The following P4HA1 variants were observed in gnomAD, a reference collection of about 807,000 sequenced individuals.
P4HA1 encodes prolyl 4-hydroxylase subunit alpha 1.
A neutral mutation model predicts 72.8 loss-of-function variants in P4HA1; 24 were observed. The observed-to-expected ratio is 0.33, with a 90% confidence interval of 0.24 to 0.46. The LOEUF is 0.46. Ranked by LOEUF, P4HA1 falls within the 20% of genes least tolerant of loss-of-function variation. P4HA1 has a pLI of 1.00. For missense variants in P4HA1, 446 were observed against 640.6 expected (o/e 0.70, Z 3.28); for synonymous variants, 201 against 218.8 (o/e 0.92, Z 0.72).
chr10:73,022,866 G>A (rs148746844), intron 10 of P4HA1, among the ~76,000 whole-genome samples: 38 of 152,182 alleles, frequency 2.5e-4, no homozygotes, highest in Non-Finnish European at 4.1e-4. Context: ...TTCGGTAGCC[G>A]ATTTGATCAA....
chr10:73,015,531 T>A (rs1839992468), intron 11 of P4HA1, among the ~76,000 whole-genome samples: 1 of 152,206 alleles, frequency 6.6e-6, no homozygotes, highest in Non-Finnish European at 1.5e-5. Context: ...CCAGCCAGGA[T>A]GGAAACAGAC....
intron 11 of P4HA1, among the ~76,000 whole-genome samples, chr10:73,016,107 C>G (rs1428795459): frequency 6.6e-6 from 1 of 152,100 alleles, no homozygotes; most frequent in Non-Finnish European, 1.5e-5. Flanking sequence ...AAGCAAGAAC[C>G]CTGCTAAGTC....
chr10:73,078,905 C>T (rs1206235001), intron 1 of P4HA1, among the ~76,000 whole-genome samples: 1 of 151,996 alleles, frequency 6.6e-6, no homozygotes, highest in Non-Finnish European at 1.5e-5. Context: ...AGCCACCGCG[C>T]CCGGCTGGTA....
rs185545044 is a variant in P4HA1 at position 73,075,398 on chromosome 10, C to T, written c.-32-483G>A. Among the ~76,000 whole-genome samples the T allele has an allele frequency of 1.1e-3, 161 of 152,152 alleles. 2 individuals carry two copies. Among genetic ancestry groups the T allele is most frequent in the East Asian group, 1.4e-3 (7 of 5,170 alleles). ...TGCTGGGATTATAAGTGTGAGCCAA[C>T]GCACCCATATTAGATAAAAATGTAT... On this transcript the variant is annotated intron_variant, in intron 1 of 14. Transcript: ENST00000394890.
intron 10 of P4HA1, among the ~76,000 whole-genome samples, chr10:73,022,367 G>T (rs917965336): frequency 2.0e-5 from 3 of 152,174 alleles, no homozygotes; most frequent in Admixed American, 6.5e-5. Context: ...CGTCTGGAAT[G>T]GACCTCCAGC....
intron 5 of P4HA1, among the ~76,000 whole-genome samples, chr10:73,058,835 T>C (rs1306687378): frequency 6.7e-6 from 1 of 148,916 alleles, no homozygotes; most frequent in East Asian, 2.0e-4. Context: ...AAAAATGCAG[T>C]GGTGCGATGG....
Position 73,051,124 on chromosome 10 carries a change from C to G in P4HA1, c.829G>C (p.Gly277Arg), listed in dbSNP as rs1841010077. The G allele has an allele frequency of 6.2e-7, 1 of 1,613,906 alleles. No individual in the cohort carries two copies. Among genetic ancestry groups the G allele is most frequent in the Admixed American group, 1.7e-5 (1 of 59,990 alleles). The change falls in exon 7 of 15, where the codon GGG (glycine) becomes CGG (arginine). Residue 277 changes from glycine (G) to arginine (R), a missense_variant. Coordinates refer to ENST00000394890, the MANE Select transcript of P4HA1 (RefSeq NM_001017962.3). The stretch of plus-strand genomic sequence containing the variant: ...TCTGGCAGGTAATCCACAGCAACCC[C>G]TTTTTTCTTTGGTGTAGTTTTCTGA... ...SDQKTTPKKK[G>R]VAVDYLPERQ...
At chr10:73,079,516 TG>T (rs1841777910) in intron 1 of P4HA1, among the ~76,000 whole-genome samples, 1 of 152,062 alleles carries the variant, frequency 6.6e-6, no homozygotes, top group South Asian at 2.1e-4. Context: ...CCAAGGTGGA[TG>T]GATCACCTGA....
chr10:73,077,735 C>A (rs1043161181), intron 1 of P4HA1, among the ~76,000 whole-genome samples: 4 of 151,580 alleles, frequency 2.6e-5, no homozygotes, highest in Non-Finnish European at 5.9e-5. Flanking sequence ...AATCCCAGTA[C>A]TTTGGGAGGC....
At chr10:73,093,855 A>AAAAAAAATAAAAAAAT (rs1842089739) in intron 1 of P4HA1, among the ~76,000 whole-genome samples, 1 of 60,496 alleles carries the variant, frequency 1.7e-5, no homozygotes, top group African/African-American at 8.5e-5. Flanking sequence ...AAAAAAAAAA[A>AAAAAAAATAAAAAAAT]AAAAAAAAAA....
chr10:73,021,367 C>G (rs574190422), intron 10 of P4HA1, among the ~76,000 whole-genome samples: 5 of 152,096 alleles, frequency 3.3e-5, no homozygotes, highest in Non-Finnish European at 5.9e-5. Context: ...ATCCGCATTC[C>G]CATGTTTATT....
At chr10:73,019,707 C>A (rs186140153) in intron 10 of P4HA1, among the ~76,000 whole-genome samples, 1 of 108,896 alleles carries the variant, frequency 9.2e-6, no homozygotes, top group African/African-American at 3.6e-5. Context: ...TCCAGCGTGG[C>A]GACAGAGCGA....
At position 73,020,757 on chromosome 10, in the gene P4HA1, G is replaced by A. The variant is rs138540962; in HGVS notation, c.1249-3858C>T. ...GGCTTTATTTGTGGGGTGCAAGGTTGGTTCAATAAATGTAATTCACCACAT... is the reference window on the plus strand; with the variant it reads ...GGCTTTATTTGTGGGGTGCAAGGTTAGTTCAATAAATGTAATTCACCACAT... On this transcript the variant is annotated intron_variant, in intron 10 of 14. Coordinates refer to ENST00000394890, the MANE Select transcript of P4HA1 (RefSeq NM_001017962.3). 1.3e-4 allele frequency among the ~76,000 whole-genome samples: 20 copies of A among 152,256 alleles called. 1 individual carries two copies. In the East Asian group the frequency reaches 3.5e-3, roughly 26 times the overall value.
rs960018892 is a variant in P4HA1 at position 73,083,026 on chromosome 10, T to C, written c.-32-8111A>G. ...CAAACAAGCTTGAAAAAGAAATTAA[T>C]GGGTCAAAATGGATGCAATCTCCTT... On this transcript the variant is annotated intron_variant, in intron 1 of 14. Transcript: ENST00000394890. Among the ~76,000 whole-genome samples the C allele has an allele frequency of 1.7e-4, 9 of 54,442 alleles. 2 individuals carry two copies. Among genetic ancestry groups the C allele is most frequent in the Non-Finnish European group, 5.0e-5 (2 of 39,932 alleles). 35.7% of individuals were successfully genotyped at this position (54,442 alleles called of 152,430 possible).
At chr10:73,027,881 G>A (rs1001699023) in intron 10 of P4HA1, among the ~76,000 whole-genome samples, 1 of 142,874 alleles carries the variant, frequency 7.0e-6, no homozygotes, top group Non-Finnish European at 1.5e-5. Flanking sequence ...AGGGAGGGAG[G>A]GAGGGACAGA....
chr10:73,072,977 C>CT (rs1280673381), intron 3 of P4HA1, among the ~76,000 whole-genome samples: 1 of 151,982 alleles, frequency 6.6e-6, no homozygotes, highest in Non-Finnish European at 1.5e-5. Flanking sequence ...CGAGACCAGC[C>CT]TGGCCAACAT....
chr10:73,075,423 T>C (rs1422722832), intron 1 of P4HA1, among the ~76,000 whole-genome samples: 1 of 152,106 alleles, frequency 6.6e-6, no homozygotes, highest in Non-Finnish European at 1.5e-5. Context: ...TAAAAATGTA[T>C]GTTTGTTATC....
intron 5 of P4HA1, among the ~76,000 whole-genome samples, chr10:73,059,424 T>TTAAAAA (rs1564631478): frequency 4.1e-5 from 1 of 24,178 alleles, no homozygotes; most frequent in Non-Finnish European, 1.0e-4. Context: ...ACAATATATT[T>TTAAAAA]AAAAAAAAAA....
intron 1 of P4HA1, among the ~76,000 whole-genome samples, chr10:73,080,225 C>T (rs1228435643): frequency 6.6e-6 from 1 of 152,224 alleles, no homozygotes; most frequent in Non-Finnish European, 1.5e-5. Flanking sequence ...GAAGTTCAGA[C>T]CCATACAACA....
Sources: gnomAD v4.1 joint callset for allele counts (sites outside exome capture counted in the v4.1 genomes callset) on GRCh38, gnomAD v4.1.1 for gene constraint, MANE v1.5 for transcripts, NCBI Gene and HGNC (gene_info 2026-07-23, HGNC 2026-07-21) for gene names.